ACOX1: variants seen among roughly 807,000 people sequenced by gnomAD.
The protein encoded by ACOX1 is acyl-CoA oxidase 1, also known as peroxisomal acyl-coenzyme A oxidase 1.
In ACOX1, 41 loss-of-function variants were observed where a neutral mutation model predicts 75.5. That is an observed-to-expected ratio of 0.54 (90% CI 0.42 to 0.70). The LOEUF is 0.70. ACOX1 is among the 30% of genes least tolerant of loss of function. The pLI, the probability that ACOX1 is intolerant of heterozygous loss-of-function variation, is 0.00. For missense variants in ACOX1, 630 were observed against 837.5 expected (o/e 0.75, Z 3.06); for synonymous variants, 303 against 298.8 (o/e 1.01, Z -0.15).
intron 2 of ACOX1, chr17:75,973,881 T>C: frequency 7.8e-7 from 1 of 1,278,140 alleles, no homozygotes; most frequent in South Asian, 1.3e-5. Context: ...AAGGAGAAGG[T>C]CAGGAAAATG....
At chr17:75,964,685 T>C (rs1351857157) in intron 2 of ACOX1, among the ~76,000 whole-genome samples, 4 of 152,224 alleles carry the variant, frequency 2.6e-5, no homozygotes, top group Non-Finnish European at 2.9e-5. Flanking sequence ...CTGCATAGTT[T>C]TTTGACTTAA....
At position 75,943,328 on chromosome 17, in the gene ACOX1, T is replaced by C. The variant is rs1236978306; in HGVS notation, c.*3420A>G. ...AGGGTCACCTGAGGCTAGGAGTTCA[T>C]GACGGGCCCAAGGCAACATAGCCAT... On this transcript the variant is annotated 3_prime_UTR_variant, in exon 14 of 14. Coordinates refer to ENST00000293217, the MANE Select transcript of ACOX1 (RefSeq NM_004035.7). The C allele has an allele frequency of 6.6e-6, 1 of 151,754 alleles. No individual in the cohort carries two copies. Among genetic ancestry groups the C allele is most frequent in the East Asian group, 1.9e-4 (1 of 5,186 alleles). 9.4% of individuals were successfully genotyped at this position (151,754 alleles called of 1,614,324 possible). A position where few individuals can be genotyped will look rare whatever the true frequency, so the allele number is the denominator to read the frequency against.
chr17:75,946,312 T>C lies in ACOX1; in HGVS notation c.*436A>G, dbSNP rs1427012605. On this transcript the variant is annotated 3_prime_UTR_variant, in exon 14 of 14. Transcript: ENST00000293217. ...CCTGCTTTTAAGCCAGGCCCCAGGG[T>C]AAGTCTGGTAGAACACTGAGCAGGA... 1 of 205,036 alleles carries C rather than the reference T, an allele frequency of 4.9e-6. No homozygotes were observed. 12.7% of individuals were successfully genotyped at this position (205,036 alleles called of 1,614,324 possible).
At chr17:75,970,186 A>AAAAAAAAAAAAAAAAAC (rs1476978331) in intron 2 of ACOX1, among the ~76,000 whole-genome samples, 8 of 138,056 alleles carry the variant, frequency 5.8e-5, no homozygotes, top group Non-Finnish European at 1.1e-4. Flanking sequence ...GACTCCTTCA[A>AAAAAAAAAAAAAAAAAC]AAAAAAAAAA....
Position 75,978,462 on chromosome 17 carries a change from G to C in ACOX1, c.269+72C>G. ...ATCTTCAAACACCAAGCACGGTGAT[G>C]AAAGGCCACCATAGACCGCAGCTGT... is the stretch of plus-strand genomic sequence containing the variant. On this transcript the variant is annotated intron_variant, in intron 2 of 13. Coordinates refer to ENST00000293217, the MANE Select transcript of ACOX1 (RefSeq NM_004035.7). This position sits in a 1 kb window ranked among gnomAD's most constrained non-coding sequence, Gnocchi z 4.2. The C allele has an allele frequency of 1.3e-6, 2 of 1,583,484 alleles. No homozygotes were observed. The highest frequency in any genetic ancestry group is 1.7e-6 in the Non-Finnish European group (2 of 1,152,956).
intron 6 of ACOX1, among the ~76,000 whole-genome samples, chr17:75,953,926 A>G (rs907910539): frequency 1.3e-5 from 2 of 152,244 alleles, no homozygotes; most frequent in African/African-American, 4.8e-5. Context: ...GTCGCAGTAA[A>G]AGAAGCATCA....
intron 4 of ACOX1, among the ~76,000 whole-genome samples, chr17:75,956,719 T>G (rs983123044): frequency 1.3e-5 from 2 of 151,222 alleles, no homozygotes; most frequent in African/African-American, 4.9e-5. Context: ...TTAAAACTAT[T>G]TAAATTTTTT....
At chr17:75,951,394 T>G (rs772519725) in intron 8 of ACOX1, 21 bp downstream of exon 8, 2 of 1,613,836 alleles carry the variant, frequency 1.2e-6, no homozygotes, top group South Asian at 2.2e-5. Flanking sequence ...TGCCCATGAG[T>G]GAATGAGACC....
intron 6 of ACOX1, among the ~76,000 whole-genome samples, chr17:75,954,548 G>A (rs1598179367): frequency 1.4e-5 from 2 of 143,136 alleles, no homozygotes. Flanking sequence ...GCATCAGAAG[G>A]AAAAATGCAT....
chr17:75,949,461 C>T (rs1307987377), intron 11 of ACOX1, 34 bp downstream of exon 11: 1 of 1,611,638 alleles, frequency 6.2e-7, no homozygotes, highest in African/African-American at 1.3e-5. Context: ...ATGCTGAGGG[C>T]AGGGAAGGGG....
In ACOX1 at chr17:75,978,942, G is replaced by A. The variant is rs1179292312; in HGVS notation, c.109+23C>T. 1 of 1,608,058 alleles carries A rather than the reference G, an allele frequency of 6.2e-7. No homozygotes were observed. The highest frequency in any genetic ancestry group is 1.3e-5 in the African/African-American group (1 of 75,054). On this transcript the variant is annotated intron_variant, in intron 1 of 13. Coordinates refer to ENST00000293217, the MANE Select transcript of ACOX1 (RefSeq NM_004035.7). This position sits in a 1 kb window ranked among gnomAD's most constrained non-coding sequence, Gnocchi z 4.2. ...CTCCAGCTTTTCTCGGGAAAGGAGGGAGGTCTCGCCCGCCGCCCTCACCGA... is the reference window on the plus strand; with the variant it reads ...CTCCAGCTTTTCTCGGGAAAGGAGGAAGGTCTCGCCCGCCGCCCTCACCGA...
intron 7 of ACOX1, among the ~76,000 whole-genome samples, chr17:75,952,044 C>T (rs1260638254): frequency 1.3e-5 from 2 of 152,166 alleles, no homozygotes; most frequent in African/African-American, 4.8e-5. Flanking sequence ...AATTTTCTGG[C>T]TGCAAAGTCC....
chr17:75,949,918 T>C (rs199946590), intron 9 of ACOX1, 21 bp from the exon 10 acceptor site: 73 of 1,613,530 alleles, frequency 4.5e-5, no homozygotes, highest in Non-Finnish European at 5.8e-5. Context: ...CCAGTAAACA[T>C]GCTTTTAGTA....
At chr17:75,953,665 A>G (rs1184485965) in intron 6 of ACOX1, 45 bp from the exon 7 acceptor site, 1 of 1,610,742 alleles carries the variant, frequency 6.2e-7, no homozygotes, top group Non-Finnish European at 8.5e-7. Context: ...TTTAAGCCCA[A>G]GAGGCAGTTC....
At chr17:75,949,424 T>G (rs2065752735) in intron 11 of ACOX1, 64 bp from the exon 12 acceptor site, 3 of 1,608,216 alleles carry the variant, frequency 1.9e-6, no homozygotes, top group African/African-American at 1.3e-5. Context: ...ATACAGTGAC[T>G]AGGGTTTCTG....
rs1169597502 is a variant in ACOX1 at position 75,945,413 on chromosome 17, T to G, written c.*1335A>C. The G allele has an allele frequency of 6.6e-6, 1 of 152,126 alleles. No individual in the cohort carries two copies. The highest frequency in any genetic ancestry group is 1.5e-5 in the Non-Finnish European group (1 of 68,030). 9.4% of individuals were successfully genotyped at this position (152,126 alleles called of 1,614,324 possible). On this transcript the variant is annotated 3_prime_UTR_variant, in exon 14 of 14. Coordinates refer to ENST00000293217, the MANE Select transcript of ACOX1 (RefSeq NM_004035.7). ...GCATTTCTGCTGTAACCTATAAGTC[T>G]CATATTACCAGTTCCCCAGGATAGA...
intron 12 of ACOX1, 113 bp downstream of exon 12, chr17:75,949,103 AC>A: frequency 8.2e-7 from 1 of 1,222,410 alleles, no homozygotes; most frequent in Non-Finnish European, 1.2e-6. Context: ...TGATCACCGT[AC>A]CCGCCTTGGG....
chr17:75,962,281 A>T (rs1209098090), intron 2 of ACOX1, among the ~76,000 whole-genome samples: 1 of 152,212 alleles, frequency 6.6e-6, no homozygotes, highest in Non-Finnish European at 1.5e-5. Context: ...AATTATACAG[A>T]AATTATCATT....
intron 6 of ACOX1, 139 bp from the exon 7 acceptor site, chr17:75,953,759 C>T: frequency 1.0e-6 from 1 of 1,003,948 alleles, no homozygotes. Flanking sequence ...TTAGTCCCCA[C>T]CCTGACCAAC....
Sources: allele counts gnomAD v4.1 joint callset (sites outside exome capture counted in the v4.1 genomes callset), GRCh38; gene constraint gnomAD v4.1.1; non-coding constraint Gnocchi (gnomAD v3.1); transcripts MANE v1.5; gene names NCBI Gene and HGNC (gene_info 2026-07-23, HGNC 2026-07-21).